The following AHI1 variants were observed in gnomAD, a reference collection of about 807,000 sequenced individuals.
AHI1 encodes Abelson helper integration site 1.
In AHI1, 123 loss-of-function variants were observed where a neutral mutation model predicts 149.3. The observed-to-expected ratio is 0.82, with a 90% CI of 0.71 to 0.96. AHI1 has a LOEUF of 0.96. Among genes scored for constraint, AHI1 ranks in the 40% least tolerant of loss-of-function variants. The pLI is 0.00. For synonymous variants in AHI1, 475 were observed against 459.8 expected (o/e 1.03, Z -0.42); for missense variants, 1,439 against 1,422.7 (o/e 1.01, Z -0.18).
intron 24 of AHI1, among the ~76,000 whole-genome samples, chr6:135,333,026 G>A (rs1414018676): frequency 2.6e-5 from 4 of 152,270 alleles, no homozygotes; most frequent in Non-Finnish European, 4.4e-5. Flanking sequence ...TTGCCATCCT[G>A]TTGTTGTGTC....
At chr6:135,397,162 CTG>C (rs1437759225) in intron 22 of AHI1, among the ~76,000 whole-genome samples, 4 of 151,826 alleles carry the variant, frequency 2.6e-5, no homozygotes, top group African/African-American at 4.8e-5. Flanking sequence ...TTTGGGGTAA[CTG>C]TTAATTATTA....
chr6:135,431,302 T>C lies in AHI1; in HGVS notation c.2279A>G (p.Tyr760Cys). 2 of 1,596,150 alleles carry C rather than the reference T, an allele frequency of 1.3e-6. No homozygotes were observed. Among genetic ancestry groups the C allele is most frequent in the Non-Finnish European group, 1.7e-6 (2 of 1,167,474 alleles). ...LCFDTEGHHM[Y>C]SGDCTGVIVV... ...AATCACCCCTGTACAATCTCCTGAA[T>C]ACATATGATGACCTATTTAAAAAAA... The change falls in exon 17 of 29, where the codon TAT becomes TGT. Residue 760 changes from tyrosine to cysteine, a missense_variant. By Grantham distance (194) the Tyr-to-Cys change is radical. Transcript: ENST00000265602.
chr6:135,336,956 T>C (rs1789488574), intron 24 of AHI1, among the ~76,000 whole-genome samples: 1 of 152,224 alleles, frequency 6.6e-6, no homozygotes, highest in South Asian at 2.1e-4. Flanking sequence ...GTATTTATCA[T>C]GCCTTAGTTT....
intron 5 of AHI1, among the ~76,000 whole-genome samples, chr6:135,488,244 C>T (rs1562288517): frequency 6.6e-6 from 1 of 152,128 alleles, no homozygotes; most frequent in East Asian, 1.9e-4. Context: ...TCATCATGCT[C>T]ATTATTGTTT....
At position 135,394,801 on chromosome 6, in the gene AHI1, T is replaced by C. The variant is rs1373010213; in HGVS notation, c.3084A>G (p.Leu1028=). The C allele has an allele frequency of 5.0e-6, 8 of 1,610,006 alleles. No individual in the cohort carries two copies. Among genetic ancestry groups the C allele is most frequent in the Non-Finnish European group, 5.9e-6 (7 of 1,177,882 alleles). Residue 1028 remains leucine, a synonymous_variant, in exon 23 of 29, where the codon CTA becomes CTG. Transcript: ENST00000265602. The part of the protein sequence containing the change: ...QSNMLTAQEI[L]HQFGFTQTGI... Reference sequence around the variant, plus strand: ...CGGTCTGAGTGAAACCAAACTGATGTAGAATCTCTTGAGCGGTCAGCATGT... The same window carrying C: ...CGGTCTGAGTGAAACCAAACTGATGCAGAATCTCTTGAGCGGTCAGCATGT...
chr6:135,429,705 G>A (rs533263023), intron 18 of AHI1, among the ~76,000 whole-genome samples, 177 bp downstream of exon 18: 16 of 150,574 alleles, frequency 1.1e-4, no homozygotes, highest in African/African-American at 3.6e-4. Flanking sequence ...TTTTTATCTC[G>A]ACTCATTAGA....
chr6:135,386,762 C>T (rs1019122550), intron 23 of AHI1, among the ~76,000 whole-genome samples: 7 of 152,030 alleles, frequency 4.6e-5, no homozygotes, highest in Non-Finnish European at 1.0e-4. Flanking sequence ...TCCCGAGTAG[C>T]TGGGATTACA....
At chr6:135,340,188 G>A (rs1306163158) in intron 24 of AHI1, among the ~76,000 whole-genome samples, 2 of 152,200 alleles carry the variant, frequency 1.3e-5, no homozygotes, top group South Asian at 2.1e-4. Context: ...TGACCAACAC[G>A]GTGAAACCCT....
intron 24 of AHI1, among the ~76,000 whole-genome samples, chr6:135,345,755 A>G (rs1264369221): frequency 1.3e-5 from 2 of 152,216 alleles, no homozygotes; most frequent in Admixed American, 6.5e-5. Context: ...AAAACTATAA[A>G]TATATTAAAA....
rs148157376 is a variant in AHI1 at position 135,317,832 on chromosome 6, T to C, written c.3426+687A>G. 3.9e-3 allele frequency among the ~76,000 whole-genome samples: 600 copies of C among 152,350 alleles called. 3 individuals carry two copies. Among genetic ancestry groups the C allele is most frequent in the African/African-American group, 0.013 (555 of 41,580 alleles). ...GAAATGTATTTGTAAAAAAAATCTA[T>C]GTTGGTTCATGGAATCAAGAAGCAG... On this transcript the variant is annotated intron_variant, in intron 26 of 28. Transcript: ENST00000265602.
Position 135,431,318 on chromosome 6 carries a change from T to C in AHI1, c.2267-4A>G. 1 of 1,552,336 alleles carries C rather than the reference T, an allele frequency of 6.4e-7. No homozygotes were observed. The highest frequency in any genetic ancestry group is 8.8e-7 in the Non-Finnish European group (1 of 1,133,440). Reference sequence around the variant, plus strand: ...TCTCCTGAATACATATGATGACCTATTTAAAAAAATAAGATCACTCACTTA... The same window carrying C: ...TCTCCTGAATACATATGATGACCTACTTAAAAAAATAAGATCACTCACTTA... On this transcript the variant is annotated splice_polypyrimidine_tract_variant and splice_region_variant and intron_variant, in intron 16 of 28. Transcript: ENST00000265602.
chr6:135,299,137 A>G (rs747367575), intron 27 of AHI1, among the ~76,000 whole-genome samples: 2 of 152,220 alleles, frequency 1.3e-5, no homozygotes, highest in Non-Finnish European at 2.9e-5. Context: ...CTGACTGATA[A>G]CAGTAAAACA....
intron 23 of AHI1, among the ~76,000 whole-genome samples, chr6:135,375,960 A>C (rs1775849006): frequency 6.6e-6 from 1 of 152,174 alleles, no homozygotes; most frequent in East Asian, 1.9e-4. Flanking sequence ...AAAGGACATA[A>C]GAGCAGGAAT....
At chr6:135,386,604 C>G (rs949892372) in intron 23 of AHI1, among the ~76,000 whole-genome samples, 1 of 151,706 alleles carries the variant, frequency 6.6e-6, no homozygotes, top group African/African-American at 2.4e-5. Context: ...GCCACCGTGC[C>G]TGGCCTAGAA....
chr6:135,388,327 T>C (rs1777919585), intron 23 of AHI1, among the ~76,000 whole-genome samples: 1 of 152,212 alleles, frequency 6.6e-6, no homozygotes, highest in African/African-American at 2.4e-5. Flanking sequence ...GATGAGAAAG[T>C]CTTTGAAGCT....
intron 23 of AHI1, among the ~76,000 whole-genome samples, chr6:135,374,927 T>C (rs192790320): frequency 1.8e-4 from 28 of 152,306 alleles, no homozygotes; most frequent in Admixed American, 1.8e-3. Flanking sequence ...ATAAACTACA[T>C]GAGATATTCA....
intron 5 of AHI1, chr6:135,490,401 G>A (rs1795088512): frequency 1.5e-6 from 1 of 646,684 alleles, no homozygotes; most frequent in African/African-American, 1.9e-5. Context: ...TCCCCACTGT[G>A]TGTGTGTTCT....
chr6:135,477,738 A>C (rs1792930213), intron 5 of AHI1, among the ~76,000 whole-genome samples: 1 of 152,002 alleles, frequency 6.6e-6, no homozygotes. Flanking sequence ...CACGAATATA[A>C]ATTTCCTGAG....
chr6:135,319,259 T>C (rs1786447299), intron 25 of AHI1, among the ~76,000 whole-genome samples: 1 of 152,156 alleles, frequency 6.6e-6, no homozygotes, highest in African/African-American at 2.4e-5. Context: ...GCAGATCCCT[T>C]GAGGCCAAGA....
Sources: gnomAD v4.1 joint callset for allele counts (sites outside exome capture counted in the v4.1 genomes callset) on GRCh38, gnomAD v4.1.1 for gene constraint, MANE v1.5 for transcripts, NCBI Gene and HGNC (gene_info 2026-07-23, HGNC 2026-07-21) for gene names.